KIAA1328: variants seen among roughly 807,000 people sequenced by gnomAD.
KIAA1328 encodes protein hinderin.
A neutral mutation model predicts 68.1 loss-of-function variants in KIAA1328; 52 were observed. That is an observed-to-expected ratio of 0.76 (90% CI 0.61 to 0.96). The LOEUF is 0.96. KIAA1328 is among the 40% of genes least tolerant of loss of function. The pLI is 0.00. For synonymous variants in KIAA1328, 232 were observed against 239.4 expected (o/e 0.97, Z 0.28); for missense variants, 641 against 677.6 (o/e 0.95, Z 0.60).
intron 6 of KIAA1328, among the ~76,000 whole-genome samples, chr18:36,999,790 C>T (rs1479004935): frequency 6.6e-6 from 1 of 151,804 alleles, no homozygotes. Flanking sequence ...AAGTGACAGA[C>T]GAACATTTAT....
chr18:37,108,927 C>A (rs2057850341), intron 7 of KIAA1328, among the ~76,000 whole-genome samples: 1 of 148,274 alleles, frequency 6.7e-6, no homozygotes, highest in Non-Finnish European at 1.5e-5. Context: ...ATCCCTCCCC[C>A]AGCCCCCCAC....
chr18:37,126,980 T>C (rs762405343), intron 7 of KIAA1328, among the ~76,000 whole-genome samples: 17 of 152,140 alleles, frequency 1.1e-4, no homozygotes, highest in Non-Finnish European at 2.2e-4. Context: ...TTAAAATATT[T>C]TGTGGTAAAA....
At chr18:37,175,598 A>G (rs2059584450) in intron 9 of KIAA1328, among the ~76,000 whole-genome samples, 1 of 152,214 alleles carries the variant, frequency 6.6e-6, no homozygotes, top group African/African-American at 2.4e-5. Context: ...CAGAGTTAAA[A>G]AAAAAAAATC....
chr18:37,005,444 A>C (rs322629), intron 6 of KIAA1328, among the ~76,000 whole-genome samples: 110,665 of 151,120 alleles, frequency 0.73, 43,600 homozygotes, highest in South Asian at 0.89. Context: ...AAAAAAAAAA[A>C]AACAAGTAGC....
intron 9 of KIAA1328, among the ~76,000 whole-genome samples, chr18:37,181,815 T>C (rs1568504342): frequency 1.3e-5 from 2 of 152,202 alleles, no homozygotes; most frequent in African/African-American, 2.4e-5. Context: ...GCTGTTTTAC[T>C]TTTCACATGA....
At chr18:37,041,088 A>T (rs537793433) in intron 6 of KIAA1328, among the ~76,000 whole-genome samples, 3 of 151,998 alleles carry the variant, frequency 2.0e-5, no homozygotes, top group Admixed American at 6.5e-5. Context: ...GTATTGTTCA[A>T]ATCTTTTATA....
downstream of KIAA1328, chr18:37,230,593 G>C (rs1171576902): frequency 3.3e-5 from 5 of 152,120 alleles, no homozygotes. Flanking sequence ...GCACGTTATA[G>C]GCTCCCAAAC....
intron 9 of KIAA1328, among the ~76,000 whole-genome samples, chr18:37,178,485 C>A (rs2059637188): frequency 6.6e-6 from 1 of 152,094 alleles, no homozygotes. Context: ...TCCATTCATC[C>A]ATTTATGGAC....
chr18:37,169,354 A>G (rs1379154448), intron 8 of KIAA1328, among the ~76,000 whole-genome samples: 1 of 151,946 alleles, frequency 6.6e-6, no homozygotes, highest in Non-Finnish European at 1.5e-5. Flanking sequence ...TTTAGTAGAT[A>G]TGGGGTTTCA....
rs561614151 is a variant in KIAA1328 at position 37,041,746 on chromosome 18, G to A, written c.577-25144G>A. Among the ~76,000 whole-genome samples the A allele has an allele frequency of 8.0e-5, 12 of 150,660 alleles. No individual in the cohort carries two copies. In the East Asian group the frequency reaches 2.1e-3, roughly 27 times the overall value. ...GTGCTTCTAAAAATCATTGCTTTAG[G>A]GATTGCAATATGCTTCTTAACCTAT... On this transcript the variant is annotated intron_variant, in intron 6 of 9. Transcript: ENST00000280020.
At chr18:37,038,311 C>T (rs1432154481) in intron 6 of KIAA1328, among the ~76,000 whole-genome samples, 4 of 151,986 alleles carry the variant, frequency 2.6e-5, no homozygotes, top group Admixed American at 1.3e-4. Context: ...GAAACCTTAC[C>T]GAGGACTTTC....
chr18:36,853,299 A>G (rs1194296336), intron 4 of KIAA1328, among the ~76,000 whole-genome samples: 1 of 152,316 alleles, frequency 6.6e-6, no homozygotes, highest in African/African-American at 2.4e-5. Flanking sequence ...AGTATAACAC[A>G]TTTACATTTA....
At chr18:37,085,274 T>A (rs563566163) in intron 7 of KIAA1328, among the ~76,000 whole-genome samples, 1 of 152,300 alleles carries the variant, frequency 6.6e-6, no homozygotes, top group East Asian at 1.9e-4. Context: ...TGTTAGCGTC[T>A]GAGGCAAAGT....
At chr18:37,103,679 G>C (rs2057689733) in intron 7 of KIAA1328, among the ~76,000 whole-genome samples, 1 of 152,084 alleles carries the variant, frequency 6.6e-6, no homozygotes, top group Non-Finnish European at 1.5e-5. Context: ...AAAAGTTTCT[G>C]TATAGCAAAG....
intron 7 of KIAA1328, among the ~76,000 whole-genome samples, chr18:37,135,051 G>A (rs924069489): frequency 5.3e-5 from 8 of 152,138 alleles, no homozygotes; most frequent in Non-Finnish European, 1.0e-4. Flanking sequence ...TTATGGCTGT[G>A]TAGTATTTCA....
At chr18:37,157,650 A>T (rs937092736) in intron 7 of KIAA1328, among the ~76,000 whole-genome samples, 1 of 151,756 alleles carries the variant, frequency 6.6e-6, no homozygotes, top group Non-Finnish European at 1.5e-5. Context: ...TCTCTACTAA[A>T]AATACAAAAA....
At chr18:37,229,154 C>T (rs116493052), downstream of KIAA1328, among the ~76,000 whole-genome samples, 841 of 152,226 alleles carry the variant, frequency 5.5e-3, 6 homozygotes, top group African/African-American at 0.019. Context: ...GATGAAAACC[C>T]AGACCGTGTG....
intron 9 of KIAA1328, among the ~76,000 whole-genome samples, chr18:37,187,247 C>T (rs907363234): frequency 2.0e-5 from 3 of 152,114 alleles, no homozygotes; most frequent in African/African-American, 7.2e-5. Flanking sequence ...GAACATAAGC[C>T]TCTTAGCAGA....
intron 5 of KIAA1328, among the ~76,000 whole-genome samples, chr18:36,958,035 T>C (rs530088432): frequency 2.1e-4 from 32 of 152,282 alleles, no homozygotes; most frequent in Non-Finnish European, 3.1e-4. Flanking sequence ...CTGAACATTT[T>C]ATACAAATGA....
Sources: allele counts gnomAD v4.1 joint callset (sites outside exome capture counted in the v4.1 genomes callset), GRCh38; gene constraint gnomAD v4.1.1; transcripts MANE v1.5; gene names NCBI Gene and HGNC (gene_info 2026-07-23, HGNC 2026-07-21).